The following TMCO1 variants were observed in gnomAD, a reference collection of about 807,000 sequenced individuals.
TMCO1 encodes calcium load-activated calcium channel.
In TMCO1, 29 loss-of-function variants were observed where a neutral mutation model predicts 29.3. That is an observed-to-expected ratio of 0.99 (90% CI 0.74 to 1.35). The LOEUF (loss-of-function observed/expected upper bound fraction) is 1.35. TMCO1 is among the 40% of genes most tolerant of loss of function. TMCO1 has a pLI of 0.00. For synonymous variants in TMCO1, 80 were observed against 77.1 expected (o/e 1.04, Z -0.20); for missense variants, 173 against 225.5 (o/e 0.77, Z 1.49).
intron 2 of TMCO1, among the ~76,000 whole-genome samples, chr1:165,764,414 G>T (rs1652499934): frequency 6.6e-6 from 1 of 152,202 alleles, no homozygotes; most frequent in African/African-American, 2.4e-5. Context: ...AACTGCAGTT[G>T]TGACAACCAC....
In TMCO1 at chr1:165,768,235, C is replaced by G. The variant is rs772945927; in HGVS notation, c.105G>C (p.Lys35Asn). ...ITWVLVYRTD[K>N]YKRLKAEVEK... ...CCACTTCTGCCTTCAGTCTCTTGTA[C>G]TTGTCTGTCCTGTAAACCAGGACCC... The change falls in exon 2 of 7, where the codon AAG (lysine) becomes AAC (asparagine). Residue 35 changes from lysine (K) to asparagine (N), a missense_variant. Coordinates refer to ENST00000367881, the MANE Select transcript of TMCO1 (RefSeq NM_019026.6). 5.6e-6 allele frequency: 9 copies of G among 1,613,904 alleles called. No homozygotes were observed. The highest frequency in any genetic ancestry group is 5.9e-6 in the Non-Finnish European group (7 of 1,180,010).
chr1:165,747,783 T>A (rs764900917), intron 5 of TMCO1, among the ~76,000 whole-genome samples: 3 of 152,188 alleles, frequency 2.0e-5, no homozygotes, highest in African/African-American at 4.8e-5. Context: ...CTTGGAGACC[T>A]TGAGCAAGTT....
intron 2 of TMCO1, among the ~76,000 whole-genome samples, chr1:165,767,069 G>T (rs1652599796): frequency 6.6e-6 from 1 of 152,136 alleles, no homozygotes. Flanking sequence ...TGTTTGCTCT[G>T]TGACGTAAGT....
At chr1:165,758,342 G>C (rs1652272606) in intron 3 of TMCO1, among the ~76,000 whole-genome samples, 1 of 152,088 alleles carries the variant, frequency 6.6e-6, no homozygotes, top group African/African-American at 2.4e-5. Context: ...GATCACCTGA[G>C]GTCAGGAGTT....
At chr1:165,749,006 G>T (rs1395993966) in intron 5 of TMCO1, among the ~76,000 whole-genome samples, 1 of 152,112 alleles carries the variant, frequency 6.6e-6, no homozygotes, top group Non-Finnish European at 1.5e-5. Context: ...TCTTTTCATG[G>T]CTTACCAGCT....
At chr1:165,743,950 T>G (rs112369247) in intron 5 of TMCO1, among the ~76,000 whole-genome samples, 5,580 of 151,136 alleles carry the variant, frequency 0.037, 329 homozygotes, top group African/African-American at 0.13. Context: ...AACCTCCACC[T>G]CCTGCTTCAA....
chr1:165,762,731 C>T (rs115791054), intron 2 of TMCO1, among the ~76,000 whole-genome samples: 1,978 of 152,214 alleles, frequency 0.013, 14 homozygotes, highest in Middle Eastern at 0.02. Context: ...CAGAGTTCTG[C>T]CAAACAGTTT....
intron 6 of TMCO1, among the ~76,000 whole-genome samples, chr1:165,732,093 T>C (rs1232402858): frequency 6.6e-6 from 1 of 152,184 alleles, no homozygotes; most frequent in Non-Finnish European, 1.5e-5. Context: ...AAAACCCATG[T>C]AGGAACTAAG....
intron 5 of TMCO1, among the ~76,000 whole-genome samples, chr1:165,743,652 G>A (rs1407451203): frequency 6.6e-6 from 1 of 152,060 alleles, no homozygotes; most frequent in Admixed American, 6.6e-5. Context: ...AATGAGAAAT[G>A]TTTAATATTT....
intron 6 of TMCO1, among the ~76,000 whole-genome samples, chr1:165,742,374 G>A (rs568896870): frequency 9.2e-5 from 14 of 151,754 alleles, no homozygotes; most frequent in Admixed American, 7.2e-4. Context: ...GTGACCTTCC[G>A]ACCTCGGCCT....
intron 6 of TMCO1, among the ~76,000 whole-genome samples, chr1:165,742,793 T>C (rs1651644352): frequency 6.6e-6 from 1 of 152,190 alleles, no homozygotes; most frequent in Non-Finnish European, 1.5e-5. Flanking sequence ...AATTACCACA[T>C]TGTTAAACTT....
chr1:165,749,294 A>ATT (rs11409239), intron 5 of TMCO1, among the ~76,000 whole-genome samples: 4 of 151,982 alleles, frequency 2.6e-5, no homozygotes, highest in Non-Finnish European at 4.4e-5. Context: ...TCCATATATG[A>ATT]TTTTTTCCCC....
intron 6 of TMCO1, among the ~76,000 whole-genome samples, chr1:165,732,164 A>T (rs1435280867): frequency 6.6e-6 from 1 of 152,154 alleles, no homozygotes; most frequent in Non-Finnish European, 1.5e-5. Context: ...ATATCTCTAC[A>T]GTAGTAACAT....
At chr1:165,760,852 T>C (rs917528465) in intron 2 of TMCO1, among the ~76,000 whole-genome samples, 3 of 152,156 alleles carry the variant, frequency 2.0e-5, no homozygotes, top group African/African-American at 7.2e-5. Context: ...TTATATTATA[T>C]TTACCATCTT....
chr1:165,740,447 C>T (rs373997630), intron 6 of TMCO1, among the ~76,000 whole-genome samples: 7 of 151,894 alleles, frequency 4.6e-5, no homozygotes, highest in Admixed American at 2.0e-4. Flanking sequence ...CCTCATGATC[C>T]GCCCGCCTCG....
intron 5 of TMCO1, among the ~76,000 whole-genome samples, chr1:165,743,864 C>CTT (rs1173483545): frequency 2.8e-5 from 4 of 141,604 alleles, no homozygotes; most frequent in Admixed American, 7.1e-5. Flanking sequence ...CTGATAATTC[C>CTT]TTTTTTTTTT....
At chr1:165,737,775 AATAAAG>A (rs1302886405) in intron 6 of TMCO1, among the ~76,000 whole-genome samples, 1 of 152,270 alleles carries the variant, frequency 6.6e-6, no homozygotes, top group Non-Finnish European at 1.5e-5. Flanking sequence ...ATGAAGATAA[AATAAAG>A]ATATTTTCAG....
chr1:165,730,096 C>A (rs1004772483), intron 6 of TMCO1, among the ~76,000 whole-genome samples: 1 of 147,962 alleles, frequency 6.8e-6, no homozygotes, highest in Non-Finnish European at 1.5e-5. Flanking sequence ...CCGAGGCGGG[C>A]GGATCACGAG....
At chr1:165,749,704 T>C (rs1651928608) in intron 5 of TMCO1, among the ~76,000 whole-genome samples, 1 of 151,900 alleles carries the variant, frequency 6.6e-6, no homozygotes, top group African/African-American at 2.4e-5. Flanking sequence ...AGGAAAAAAA[T>C]TTTTCTATAA....
Sources: gnomAD v4.1 joint callset for allele counts (sites outside exome capture counted in the v4.1 genomes callset) on GRCh38, gnomAD v4.1.1 for gene constraint, MANE v1.5 for transcripts, NCBI Gene and HGNC (gene_info 2026-07-23, HGNC 2026-07-21) for gene names.